Variants in TDRD5 observed in about 807,000 individuals in gnomAD.
TDRD5 encodes the protein tudor domain-containing protein 5.
A neutral mutation model predicts 120.6 loss-of-function variants in TDRD5; 41 were observed. The ratio of observed to expected loss-of-function variants is 0.34; its 90% CI spans 0.26 to 0.44. TDRD5 has a LOEUF of 0.44. Among genes scored for constraint, TDRD5 ranks in the 20% least tolerant of loss-of-function variants. TDRD5 has a pLI of 1.00. For missense variants in TDRD5, 1,006 were observed against 1,221.2 expected (o/e 0.82, Z 2.63); for synonymous variants, 430 against 433.7 (o/e 0.99, Z 0.11).
At chr1:179,620,061 C>T (rs1412461397) in intron 5 of TDRD5, among the ~76,000 whole-genome samples, 1 of 152,046 alleles carries the variant, frequency 6.6e-6, no homozygotes, top group African/African-American at 2.4e-5. Flanking sequence ...GAAGTTTCTC[C>T]TTGACTTATT....
intron 8 of TDRD5, among the ~76,000 whole-genome samples, chr1:179,635,375 A>T (rs1677707920): frequency 6.6e-6 from 1 of 152,168 alleles, no homozygotes; most frequent in African/African-American, 2.4e-5. Context: ...TCAATTTTGT[A>T]TAGAGCAATT....
intron 17 of TDRD5, among the ~76,000 whole-genome samples, chr1:179,671,949 G>GGTGTGTGT (rs111855083): frequency 1.8e-3 from 249 of 141,794 alleles, no homozygotes; most frequent in Middle Eastern, 3.5e-3. Flanking sequence ...AATATTCCAT[G>GGTGTGTGT]GTGTGTGTGT....
intron 4 of TDRD5, among the ~76,000 whole-genome samples, chr1:179,599,007 A>T (rs910652790): frequency 6.6e-6 from 1 of 152,112 alleles, no homozygotes; most frequent in Non-Finnish European, 1.5e-5. Context: ...AGCTTTTTAG[A>T]TGCCTTTTAT....
intron 17 of TDRD5, among the ~76,000 whole-genome samples, chr1:179,674,208 T>C (rs751336730): frequency 3.9e-5 from 6 of 152,194 alleles, no homozygotes; most frequent in Admixed American, 6.5e-5. Context: ...TTTATTACCT[T>C]AAGGTATGTC....
rs1213068204 is a variant in TDRD5 at position 179,663,267 on chromosome 1, C to G, written c.2506-81C>G. ...TTTAAAAATATGTATTGCTTTCTTG[C>G]ATTTATCTTGCCCAAGTTATCCTCT... is the stretch of plus-strand genomic sequence containing the variant. On this transcript the variant is annotated intron_variant, in intron 15 of 17. Coordinates refer to ENST00000444136, the MANE Select transcript of TDRD5 (RefSeq NM_001199085.3). 2.8e-6 allele frequency: 4 copies of G among 1,452,872 alleles called. No individual in the cohort carries two copies. The East Asian group carries it at 6.9e-5, about 25-fold the overall frequency. The allele number at this position is 1,452,872 out of a possible 1,614,324, so 90.0% of individuals were successfully genotyped here. A position where few individuals can be genotyped will look rare whatever the true frequency, so the allele number is the denominator to read the frequency against.
At chr1:179,660,484 T>A (rs1679254950) in intron 14 of TDRD5, among the ~76,000 whole-genome samples, 1 of 152,138 alleles carries the variant, frequency 6.6e-6, no homozygotes, top group Non-Finnish European at 1.5e-5. Flanking sequence ...CTTCCCAAAG[T>A]ACTGTGTTTT....
chr1:179,641,602 A>G (rs187058105), intron 11 of TDRD5, among the ~76,000 whole-genome samples: 44 of 152,316 alleles, frequency 2.9e-4, no homozygotes, highest in African/African-American at 1.0e-3. Context: ...TACACAGTTT[A>G]GAAATTTGGT....
intron 16 of TDRD5, among the ~76,000 whole-genome samples, chr1:179,666,574 C>G (rs1292182782): frequency 6.6e-6 from 1 of 152,158 alleles, no homozygotes; most frequent in Non-Finnish European, 1.5e-5. Flanking sequence ...TACCTCCCGA[C>G]GTAATTTGTA....
At chr1:179,688,188 G>T (rs1680853964) in intron 17 of TDRD5, among the ~76,000 whole-genome samples, 2 of 152,152 alleles carry the variant, frequency 1.3e-5, no homozygotes, top group South Asian at 4.1e-4. Context: ...GGTACCAGTT[G>T]TTCCTTTCCA....
chr1:179,626,819 C>T lies in TDRD5; in HGVS notation c.973-3948C>T, dbSNP rs1478871020. Among the ~76,000 whole-genome samples, 4 of 151,868 alleles carry T rather than the reference C, an allele frequency of 2.6e-5. 1 individual carries two copies. In the South Asian group the frequency reaches 8.3e-4, roughly 32 times the overall value. The stretch of plus-strand genomic sequence containing the variant: ...GAGAAAATGACAGGTATTAAACAGG[C>T]AAAGAAGAGCCAACATGAATAATAA... On this transcript the variant is annotated intron_variant, in intron 6 of 17. Transcript: ENST00000444136.
intron 17 of TDRD5, among the ~76,000 whole-genome samples, chr1:179,670,434 C>T (rs372109439): frequency 6.6e-6 from 1 of 151,886 alleles, no homozygotes; most frequent in East Asian, 1.9e-4. Context: ...ACATAGGAGT[C>T]GATTTGCTAG....
intron 17 of TDRD5, among the ~76,000 whole-genome samples, chr1:179,688,520 T>G (rs1247158915): frequency 1.3e-5 from 2 of 152,194 alleles, no homozygotes; most frequent in East Asian, 1.9e-4. Flanking sequence ...ACAATTATGT[T>G]TCTTGGAGTT....
chr1:179,684,508 ACATGTG>A (rs1680598772), intron 17 of TDRD5, among the ~76,000 whole-genome samples: 1 of 152,192 alleles, frequency 6.6e-6, no homozygotes, highest in Non-Finnish European at 1.5e-5. Context: ...CAATAAACAT[ACATGTG>A]CATGTTTCTT....
chr1:179,652,453 ATTC>A (rs1262013119), intron 13 of TDRD5, among the ~76,000 whole-genome samples: 1 of 152,086 alleles, frequency 6.6e-6, no homozygotes, highest in Non-Finnish European at 1.5e-5. Context: ...TCTGAATGCT[ATTC>A]TTCTTCCCTC....
chr1:179,652,383 T>G (rs148352758), intron 13 of TDRD5, among the ~76,000 whole-genome samples, 186 bp downstream of exon 13: 58 of 152,274 alleles, frequency 3.8e-4, no homozygotes, highest in African/African-American at 1.2e-3. Flanking sequence ...CCTGAACAGT[T>G]GCTCTCATAT....
intron 17 of TDRD5, among the ~76,000 whole-genome samples, chr1:179,674,508 T>C (rs975998855): frequency 1.3e-5 from 2 of 152,112 alleles, no homozygotes; most frequent in African/African-American, 2.4e-5. Flanking sequence ...TTTTTTTTTG[T>C]TGTTGTTATG....
chr1:179,644,743 A>G (rs567997386), intron 11 of TDRD5, among the ~76,000 whole-genome samples: 1 of 152,206 alleles, frequency 6.6e-6, no homozygotes, highest in Admixed American at 6.5e-5. Context: ...TAAGGATCTA[A>G]AGAGACAGGT....
intron 17 of TDRD5, among the ~76,000 whole-genome samples, chr1:179,670,426 A>G (rs1158673127): frequency 6.6e-6 from 1 of 152,100 alleles, no homozygotes; most frequent in East Asian, 1.9e-4. Context: ...GTACACACAC[A>G]TAGGAGTCGA....
At chr1:179,675,515 G>A (rs918835059) in intron 17 of TDRD5, among the ~76,000 whole-genome samples, 6 of 151,254 alleles carry the variant, frequency 4.0e-5, no homozygotes, top group African/African-American at 7.3e-5. Flanking sequence ...TCCTGACCTC[G>A]TGATCCGCCC....
Sources: gnomAD v4.1 joint callset for allele counts (sites outside exome capture counted in the v4.1 genomes callset) on GRCh38, gnomAD v4.1.1 for gene constraint, MANE v1.5 for transcripts, NCBI Gene and HGNC (gene_info 2026-07-23, HGNC 2026-07-21) for gene names.